Variants in RSPO4 observed in about 807,000 individuals in gnomAD.
RSPO4 encodes R-spondin 4.
RSPO4 carries 23 observed loss-of-function variants against 24.8 expected under a neutral mutation model. The ratio of observed to expected loss-of-function variants is 0.93; its 90% CI spans 0.67 to 1.31. RSPO4 has a LOEUF of 1.31. Ranked by LOEUF, RSPO4 falls within the 40% of genes most tolerant of loss-of-function variation. RSPO4 has a pLI of 0.00. For missense variants in RSPO4, 333 were observed against 316.5 expected, an observed-to-expected ratio of 1.05 and a Z score of -0.39; for synonymous variants, 141 against 127.4, an observed-to-expected ratio of 1.11 and a Z score of -0.72.
intron 1 of RSPO4, among the ~76,000 whole-genome samples, chr20:987,283 A>T (rs1398226575): frequency 2.0e-5 from 3 of 152,190 alleles, no homozygotes; most frequent in East Asian, 3.9e-4. Flanking sequence ...GGGCCTGAGG[A>T]TGGTTGGGGC....
rs1056356330 is a variant in RSPO4, at chr20:959,061, G to A, written c.*1296C>T. ...GTCACAGCGAAGCACAGATGCTCAAGTCACTGGTGGTGGGTGTGGGCGAGT... is the reference window on the plus strand; with the variant it reads ...GTCACAGCGAAGCACAGATGCTCAAATCACTGGTGGTGGGTGTGGGCGAGT... On this transcript the variant is annotated 3_prime_UTR_variant, in exon 5 of 5. Transcript: ENST00000217260. 7.9e-5 allele frequency: 12 copies of A among 152,556 alleles called. No homozygotes were observed. Among genetic ancestry groups the A allele is most frequent in the African/African-American group, 2.9e-4 (12 of 41,242 alleles). The allele number at this position is 152,556 out of a possible 1,614,324, so 9.5% of individuals were successfully genotyped here. A position where few individuals can be genotyped will look rare whatever the true frequency, so the allele number is the denominator to read the frequency against.
At chr20:982,551 C>T (rs567071458) in intron 1 of RSPO4, among the ~76,000 whole-genome samples, 1 of 152,266 alleles carries the variant, frequency 6.6e-6, no homozygotes, top group South Asian at 2.1e-4. Context: ...ATAACAGCGC[C>T]CGGCACCCAG....
intron 3 of RSPO4, among the ~76,000 whole-genome samples, chr20:966,468 G>A (rs1177678094): frequency 2.0e-5 from 3 of 149,874 alleles, no homozygotes; most frequent in East Asian, 2.0e-4. Flanking sequence ...TTTTTCTAAC[G>A]TTTGGAGAAA....
chr20:968,203 G>A (rs1984293296), intron 1 of RSPO4, 65 bp from the exon 2 acceptor site: 3 of 1,448,246 alleles, frequency 2.1e-6, no homozygotes, highest in Non-Finnish European at 2.9e-6. Context: ...CCATATATGC[G>A]AGCAGCTGAG....
At chr20:1,000,951 G>A (rs1165288121) in intron 1 of RSPO4, among the ~76,000 whole-genome samples, 1 of 152,188 alleles carries the variant, frequency 6.6e-6, no homozygotes, top group South Asian at 2.1e-4. Flanking sequence ...TGTCGCTGTA[G>A]GGCTTTCACA....
At chr20:995,976 C>T (rs6118541) in intron 1 of RSPO4, among the ~76,000 whole-genome samples, 16,857 of 152,228 alleles carry the variant, frequency 0.11, 2,106 homozygotes, top group African/African-American at 0.31. Flanking sequence ...AACTGAAACA[C>T]ATTTCTCAAA....
rs1984095805 is a variant in RSPO4, at chr20:964,009, C to G, written c.521G>C (p.Gly174Ala). 6 of 1,613,738 alleles carry G rather than the reference C, an allele frequency of 3.7e-6. No homozygotes were observed. Among genetic ancestry groups the G allele is most frequent in the Admixed American group, 3.3e-5 (2 of 60,004 alleles). ...ESRVREAGRA[G>A]HEEAATCQVL... ...CTGGCAGGTGGCTGCCTCCTCATGC[C>G]CAGCCCGGCCAGCCTCTCGTACCCG... The change falls in exon 4 of 5, where the codon GGG becomes GCG. Residue 174 changes from glycine (G) to alanine (A), a missense_variant. Transcript: ENST00000217260.
intron 1 of RSPO4, among the ~76,000 whole-genome samples, chr20:992,107 G>A (rs1271659977): frequency 1.3e-5 from 2 of 152,170 alleles, no homozygotes; most frequent in Non-Finnish European, 2.9e-5. Flanking sequence ...CAGAGGGCAG[G>A]AAGTCAGGCC....
intron 1 of RSPO4, among the ~76,000 whole-genome samples, chr20:993,715 G>C (rs1985183926): frequency 6.6e-6 from 1 of 152,226 alleles, no homozygotes; most frequent in African/African-American, 2.4e-5. Flanking sequence ...CTGCCAAGCT[G>C]TGGGGTAGAA....
At chr20:960,914 C>T (rs886387748) in intron 4 of RSPO4, among the ~76,000 whole-genome samples, 4 of 152,218 alleles carry the variant, frequency 2.6e-5, no homozygotes, top group African/African-American at 9.6e-5. Context: ...AACAATACTT[C>T]AGCATTTAGC....
chr20:978,692 G>A (rs1331902424), intron 1 of RSPO4, among the ~76,000 whole-genome samples: 1 of 152,162 alleles, frequency 6.6e-6, no homozygotes, highest in African/African-American at 2.4e-5. Context: ...CAAGGTGGGA[G>A]TGAAAGTCCA....
chr20:988,180 G>A (rs1984981785), intron 1 of RSPO4, among the ~76,000 whole-genome samples: 1 of 152,224 alleles, frequency 6.6e-6, no homozygotes, highest in Admixed American at 6.5e-5. Context: ...GTGGTGGGTG[G>A]TGAGGTCTGG....
intron 1 of RSPO4, among the ~76,000 whole-genome samples, chr20:987,749 C>CT (rs1374846914): frequency 4.6e-5 from 7 of 152,226 alleles, no homozygotes; most frequent in African/African-American, 1.7e-4. Flanking sequence ...TAAGATCGTG[C>CT]TATTGCCCTC....
At chr20:987,610 A>G (rs1407107630) in intron 1 of RSPO4, among the ~76,000 whole-genome samples, 1 of 151,568 alleles carries the variant, frequency 6.6e-6, no homozygotes, top group Non-Finnish European at 1.5e-5. Flanking sequence ...ACATAGTGAG[A>G]CCCTTATCTC....
At position 960,273 on chromosome 20, in the gene RSPO4, A is replaced by G. The variant is rs1376304682; in HGVS notation, c.*84T>C. On this transcript the variant is annotated 3_prime_UTR_variant, in exon 5 of 5. Transcript: ENST00000217260. The stretch of plus-strand genomic sequence containing the variant: ...GACAAATGGAGAAGACAGAGGAGAA[A>G]GAGTAAGAGGAGAGGAGGAGAAGGA... 4.8e-6 allele frequency: 4 copies of G among 828,270 alleles called. No individual in the cohort carries two copies. The allele number at this position is 828,270 out of a possible 1,614,324, so 51.3% of individuals were successfully genotyped here.
chr20:980,164 C>T (rs1185853622), intron 1 of RSPO4, among the ~76,000 whole-genome samples: 2 of 152,126 alleles, frequency 1.3e-5, no homozygotes, highest in African/African-American at 4.8e-5. Context: ...GCTGCTTGCC[C>T]GAGGTCACTT....
rs181762758 is a variant in RSPO4, at chr20:985,711, C to T, written c.79+16375G>A. On this transcript the variant is annotated intron_variant, in intron 1 of 4. Transcript: ENST00000217260. Reference sequence around the variant, plus strand: ...TTTGTCACCCCCATCCCTGACCTGCCCCACTGCCTCCCCAGCCCATATAAG... The same window carrying T: ...TTTGTCACCCCCATCCCTGACCTGCTCCACTGCCTCCCCAGCCCATATAAG... Among the ~76,000 whole-genome samples the T allele has an allele frequency of 2.3e-3, 357 of 152,358 alleles. 3 individuals are homozygous for T. The highest frequency in any genetic ancestry group is 3.7e-3 in the Admixed American group (56 of 15,306).
At chr20:964,259 GT>G in intron 3 of RSPO4, 139 bp from the exon 4 acceptor site, 3 of 661,338 alleles carry the variant, frequency 4.5e-6, no homozygotes, top group African/African-American at 1.8e-5. Context: ...TAGGAGCAGA[GT>G]TATTTATAAG....
In RSPO4 at chr20:981,174, C is replaced by T. The variant is rs79463833; in HGVS notation, c.80-13036G>A. On this transcript the variant is annotated intron_variant, in intron 1 of 4. Transcript: ENST00000217260. The surrounding 1 kb of genome is among the most constrained non-coding windows in gnomAD (Gnocchi z 4.6). ...AGACTCATTCTACTGTGTCACACTG[C>T]CTTACCCTGTTGGTCTGATGATGAA... 0.025 allele frequency among the ~76,000 whole-genome samples: 3,785 copies of T among 152,266 alleles called. 197 individuals carry two copies. Among genetic ancestry groups the T allele is most frequent in the East Asian group, 0.22 (1,123 of 5,164 alleles).
Sources: gnomAD v4.1 joint callset for allele counts (sites outside exome capture counted in the v4.1 genomes callset) on GRCh38, gnomAD v4.1.1 for gene constraint, Gnocchi (gnomAD v3.1) non-coding constraint, MANE v1.5 for transcripts, NCBI Gene and HGNC (gene_info 2026-07-23, HGNC 2026-07-21) for gene names.